The following SNX13 variants were observed in gnomAD, a reference collection of about 807,000 sequenced individuals.
The protein encoded by SNX13 is sorting nexin-13.
Under a neutral mutation model 133.6 loss-of-function variants are expected in SNX13, and 45 were observed. The observed-to-expected ratio is 0.34, with a 90% CI of 0.27 to 0.43. SNX13 has a LOEUF of 0.43. Among genes scored for constraint, SNX13 ranks in the 20% least tolerant of loss-of-function variants. The pLI is 1.00. For missense variants in SNX13, 1,032 were observed against 1,145.1 expected (o/e 0.90, Z 1.43); for synonymous variants, 414 against 373.9 (o/e 1.11, Z -1.24).
chr7:17,809,635 A>G (rs1361085301), intron 20 of SNX13, among the ~76,000 whole-genome samples: 1 of 152,238 alleles, frequency 6.6e-6, no homozygotes, highest in Non-Finnish European at 1.5e-5. Context: ...AGATATCTAC[A>G]GAACTCTCCA....
chr7:17,875,503 C>T lies in SNX13; in HGVS notation c.641G>A (p.Cys214Tyr). ...ACCTTCTTCATCTTTGGGGGAAGTG[C>T]ACACTAGATCACGGCAAACCTCCTT... Reference protein sequence around the residue: ...MEKEVCRDLVCTSPKDEEGFL... With the variant: ...MEKEVCRDLVYTSPKDEEGFL... The change falls in exon 7 of 26, where the codon TGC (cysteine) becomes TAC (tyrosine). Residue 214 changes from cysteine (C) to tyrosine (Y), a missense_variant. By Grantham distance (194) the Cys-to-Tyr change is radical (BLOSUM62 -2). Coordinates refer to ENST00000428135, the MANE Select transcript of SNX13 (RefSeq NM_015132.5). The T allele has an allele frequency of 6.2e-7, 1 of 1,609,152 alleles. No homozygotes were observed. The highest frequency in any genetic ancestry group is 8.5e-7 in the Non-Finnish European group (1 of 1,178,940).
chr7:17,880,024 A>G (rs1410044419), intron 5 of SNX13: 2 of 152,258 alleles, frequency 1.3e-5, no homozygotes, highest in East Asian at 1.9e-4. Context: ...TTCGATCAAA[A>G]GAGGGAGCCA....
intron 1 of SNX13, among the ~76,000 whole-genome samples, chr7:17,917,182 T>C (rs1431451953): frequency 6.6e-6 from 1 of 152,116 alleles, no homozygotes; most frequent in East Asian, 1.9e-4. Flanking sequence ...GTAAGAGCCA[T>C]CTATGACACA....
At chr7:17,860,281 C>G (rs1225325582) in intron 9 of SNX13, among the ~76,000 whole-genome samples, 1 of 152,142 alleles carries the variant, frequency 6.6e-6, no homozygotes, top group South Asian at 2.1e-4. Context: ...TGTTGGCCAT[C>G]TGTATAACTT....
At chr7:17,891,474 T>G (rs1470770846) in intron 4 of SNX13, 72 bp downstream of exon 4, 2 of 1,090,348 alleles carry the variant, frequency 1.8e-6, no homozygotes, top group African/African-American at 3.2e-5. Context: ...AAAAAGTATT[T>G]CCTGGTATCT....
chr7:17,809,282 CAAAAAA>C (rs535077123), intron 20 of SNX13, among the ~76,000 whole-genome samples: 16 of 49,282 alleles, frequency 3.2e-4, no homozygotes, highest in African/African-American at 9.8e-4. Context: ...AGATGGAAAG[CAAAAAA>C]AAAAAAAAAA....
intron 1 of SNX13, among the ~76,000 whole-genome samples, chr7:17,933,126 A>G (rs988464998): frequency 2.0e-5 from 3 of 152,244 alleles, no homozygotes; most frequent in African/African-American, 7.2e-5. Context: ...ACAGCTTTTC[A>G]AGGATTTACC....
intron 13 of SNX13, 90 bp downstream of exon 13, chr7:17,839,717 C>T (rs753554463): frequency 1.2e-5 from 12 of 992,888 alleles, no homozygotes; most frequent in South Asian, 1.1e-4. Context: ...ACAATGTTTT[C>T]GAGGTAGTCA....
intron 5 of SNX13, chr7:17,889,036 G>GA (rs969987532): frequency 4.6e-4 from 80 of 172,672 alleles, no homozygotes; most frequent in South Asian, 7.1e-4. Context: ...CCCTTTCAAA[G>GA]AAAAAAAAAG....
At chr7:17,909,023 T>C (rs1402291294) in intron 1 of SNX13, among the ~76,000 whole-genome samples, 1 of 152,118 alleles carries the variant, frequency 6.6e-6, no homozygotes. Context: ...CGATGTTCTG[T>C]GTGTTAAAAG....
intron 1 of SNX13, among the ~76,000 whole-genome samples, chr7:17,935,517 G>C (rs1003390072): frequency 6.6e-6 from 1 of 152,008 alleles, no homozygotes; most frequent in Non-Finnish European, 1.5e-5. Context: ...AAATAATCAA[G>C]GTGATATGTT....
chr7:17,794,076 G>C lies in SNX13; in HGVS notation c.2843C>G (p.Thr948Ser), dbSNP rs1783800624. 3.7e-6 allele frequency: 6 copies of C among 1,611,504 alleles called. No individual in the cohort carries two copies. Among genetic ancestry groups the C allele is most frequent in the African/African-American group, 1.3e-5 (1 of 74,922 alleles). Residue 948 changes from threonine (T) to serine (S), a missense_variant, in exon 26 of 26, where the codon ACT becomes AGT. Transcript: ENST00000428135. ...QMQKYKQKLQ[T>S]TQAPSLQKR ...TTTCTGCAAAGAAGGCGCTTGAGTAGTTTGAAGTTTCTGTTTATATTTCTG... is the reference window on the plus strand; with the variant it reads ...TTTCTGCAAAGAAGGCGCTTGAGTACTTTGAAGTTTCTGTTTATATTTCTG...
At chr7:17,847,521 G>A (rs1224191808) in intron 11 of SNX13, among the ~76,000 whole-genome samples, 1 of 152,038 alleles carries the variant, frequency 6.6e-6, no homozygotes, top group African/African-American at 2.4e-5. Flanking sequence ...ATTCCTTAAG[G>A]AGTTTAAATA....
chr7:17,936,702 A>G (rs527306424), intron 1 of SNX13, among the ~76,000 whole-genome samples: 6 of 152,202 alleles, frequency 3.9e-5, no homozygotes, highest in Non-Finnish European at 7.3e-5. Flanking sequence ...TTTGATAAAA[A>G]TTCACTGATA....
intron 16 of SNX13, 136 bp from the exon 17 acceptor site, chr7:17,826,227 T>TC (rs1215615108): frequency 1.2e-5 from 6 of 501,216 alleles, no homozygotes; most frequent in Non-Finnish European, 2.1e-5. Flanking sequence ...ATACCCTCCA[T>TC]CCCCTCCATA....
chr7:17,859,832 C>CT (rs913316533), intron 9 of SNX13, among the ~76,000 whole-genome samples: 4 of 151,796 alleles, frequency 2.6e-5, no homozygotes, highest in Admixed American at 6.6e-5. Flanking sequence ...ACAGGATTTC[C>CT]TTTTTTTTGG....
At chr7:17,891,069 T>C (rs1316880887) in intron 4 of SNX13, among the ~76,000 whole-genome samples, 1 of 151,930 alleles carries the variant, frequency 6.6e-6, no homozygotes, top group Non-Finnish European at 1.5e-5. Flanking sequence ...TAATAAATGT[T>C]AAAATTCTAA....
At chr7:17,847,501 T>C (rs1263744070) in intron 11 of SNX13, among the ~76,000 whole-genome samples, 5 of 152,210 alleles carry the variant, frequency 3.3e-5, no homozygotes, top group African/African-American at 9.7e-5. Context: ...TTTTTAAAAA[T>C]AATTCTTCTA....
chr7:17,840,089 A>G (rs1168558603), intron 12 of SNX13, 89 bp from the exon 13 acceptor site: 1 of 1,083,304 alleles, frequency 9.2e-7, no homozygotes, highest in South Asian at 2.1e-5. Flanking sequence ...GAAGGATTAA[A>G]GTTTCAAGTG....
Sources: allele counts gnomAD v4.1 joint callset (sites outside exome capture counted in the v4.1 genomes callset), GRCh38; gene constraint gnomAD v4.1.1; transcripts MANE v1.5; gene names NCBI Gene and HGNC (gene_info 2026-07-23, HGNC 2026-07-21).